Variants in HIPK2 observed in about 807,000 individuals in gnomAD.
The protein encoded by HIPK2 is homeodomain interacting protein kinase 2.
In HIPK2, 27 loss-of-function variants were observed where a neutral mutation model predicts 113.7. The ratio of observed to expected loss-of-function variants is 0.24; its 90% confidence interval spans 0.17 to 0.33. The LOEUF (loss-of-function observed/expected upper bound fraction) is 0.33, where lower values mean the gene tolerates loss of function less well. Ranked by LOEUF, HIPK2 falls within the 10% of genes least tolerant of loss-of-function variation. HIPK2 has a pLI of 1.00. For missense variants in HIPK2, 1,257 were observed against 1,588.0 expected (o/e 0.79, Z 3.54); for synonymous variants, 631 against 642.2 (o/e 0.98, Z 0.26).
At chr7:139,715,699 G>A (rs1223088023) in intron 2 of HIPK2, among the ~76,000 whole-genome samples, 1 of 152,222 alleles carries the variant, frequency 6.6e-6, no homozygotes, top group African/African-American at 2.4e-5. Flanking sequence ...GTCCCAGGGA[G>A]CCCTTCCAAC....
At chr7:139,620,751 C>T (rs1800207177) in intron 6 of HIPK2, 188 bp from the exon 7 acceptor site, 1 of 257,150 alleles carries the variant, frequency 3.9e-6, no homozygotes, top group Non-Finnish European at 6.1e-6. Flanking sequence ...TTGCAACAGG[C>T]ACGGTTATTC....
intron 1 of HIPK2, among the ~76,000 whole-genome samples, chr7:139,774,745 T>C (rs75966780): frequency 0.029 from 4,380 of 152,302 alleles, 191 homozygotes; most frequent in African/African-American, 0.099. Flanking sequence ...GAGACCTTGG[T>C]GGTTGGCCTT....
Position 139,626,732 on chromosome 7 carries a change from G to A in HIPK2, c.1488C>T (p.Asp496=). Residue 496 remains aspartate, a synonymous_variant, in exon 6 of 15, where the codon GAC becomes GAT. Coordinates refer to ENST00000406875, the MANE Select transcript of HIPK2 (RefSeq NM_022740.5). ...TCAACAGGTCAATGAACTCCCGCCGGTCAGCCTTTTCTACCAACATGTCGC... is the reference window on the plus strand; with the variant it reads ...TCAACAGGTCAATGAACTCCCGCCGATCAGCCTTTTCTACCAACATGTCGC... ...EGSDMLVEKA[D]RREFIDLLKK... is the part of the protein sequence containing the mutation. 6.2e-7 allele frequency: 1 copy of A among 1,613,934 alleles called. No individual in the cohort carries two copies. The highest frequency in any genetic ancestry group is 1.1e-5 in the South Asian group (1 of 91,072).
chr7:139,740,034 G>A lies in HIPK2; in HGVS notation c.20-23019C>T, dbSNP rs77497191. Reference sequence around the variant, plus strand: ...GGACACGTGTTTTTATTCCTCTCGGGTACATACCTGGGAGTGGAACTGCCA... The same window carrying A: ...GGACACGTGTTTTTATTCCTCTCGGATACATACCTGGGAGTGGAACTGCCA... On this transcript the variant is annotated intron_variant, in intron 1 of 14. Coordinates refer to ENST00000406875, the MANE Select transcript of HIPK2 (RefSeq NM_022740.5). Among the ~76,000 whole-genome samples the A allele has an allele frequency of 5.1e-3, 772 of 152,198 alleles. 13 individuals are homozygous for A. The highest frequency in any genetic ancestry group is 0.018 in the African/African-American group (736 of 41,526).
chr7:139,736,353 C>T lies in HIPK2; in HGVS notation c.20-19338G>A, dbSNP rs77771679. Among the ~76,000 whole-genome samples, 650 of 152,342 alleles carry T rather than the reference C, an allele frequency of 4.3e-3. 2 individuals carry two copies. Among genetic ancestry groups the T allele is most frequent in the Admixed American group, 9.0e-3 (138 of 15,310 alleles). On this transcript the variant is annotated intron_variant, in intron 1 of 14. Coordinates refer to ENST00000406875, the MANE Select transcript of HIPK2 (RefSeq NM_022740.5). ...GCTGACTTCAAGTGGCAGAGGAAGG[C>T]ATGACCTGGTAGACAGAGGGGCCAA...
chr7:139,688,441 GA>G (rs1794295013), intron 2 of HIPK2, among the ~76,000 whole-genome samples: 1 of 152,216 alleles, frequency 6.6e-6, no homozygotes, highest in Non-Finnish European at 1.5e-5. Context: ...GAAGACACAG[GA>G]AGGTGTGGAA....
chr7:139,751,080 CG>C (rs1373988136), intron 1 of HIPK2, among the ~76,000 whole-genome samples: 3 of 151,946 alleles, frequency 2.0e-5, no homozygotes, highest in Non-Finnish European at 2.9e-5. Flanking sequence ...TTGCAGTATA[CG>C]TATTTATACT....
intron 6 of HIPK2, among the ~76,000 whole-genome samples, chr7:139,624,869 C>T (rs1331130587): frequency 6.6e-6 from 1 of 152,212 alleles, no homozygotes; most frequent in Non-Finnish European, 1.5e-5. Context: ...AGATGAGTTA[C>T]ACTATAAACG....
chr7:139,687,324 GA>G (rs1794255434), intron 2 of HIPK2, among the ~76,000 whole-genome samples: 1 of 152,158 alleles, frequency 6.6e-6, no homozygotes. Flanking sequence ...AAGTACAAAT[GA>G]TTGCACACAA....
chr7:139,686,117 T>C (rs1794209235), intron 2 of HIPK2, among the ~76,000 whole-genome samples: 1 of 152,194 alleles, frequency 6.6e-6, no homozygotes, highest in Admixed American at 6.5e-5. Context: ...TCAACATTAA[T>C]AGGAGTTTGG....
chr7:139,632,424 A>C (rs532216652), intron 2 of HIPK2, among the ~76,000 whole-genome samples: 49 of 152,358 alleles, frequency 3.2e-4, no homozygotes, highest in African/African-American at 1.1e-3. Flanking sequence ...AAGAATTTAC[A>C]TCACACTTTC....
intron 1 of HIPK2, among the ~76,000 whole-genome samples, chr7:139,719,097 T>C (rs747959191): frequency 2.6e-5 from 4 of 152,178 alleles, no homozygotes; most frequent in Admixed American, 6.5e-5. Flanking sequence ...CCGTGTCTGA[T>C]TGCACACTGT....
chr7:139,665,540 G>A (rs530506545), intron 2 of HIPK2, among the ~76,000 whole-genome samples: 22 of 151,366 alleles, frequency 1.5e-4, no homozygotes, highest in Non-Finnish European at 3.0e-4. Flanking sequence ...ATAGAGCACT[G>A]CCTTCAGCCT....
At chr7:139,584,719 C>T (rs982823792) in intron 12 of HIPK2, among the ~76,000 whole-genome samples, 1 of 150,490 alleles carries the variant, frequency 6.6e-6, no homozygotes, top group African/African-American at 2.5e-5. Context: ...CAGGCCACTA[C>T]GACCTCTGCA....
intron 14 of HIPK2, 32 bp downstream of exon 14, chr7:139,575,096 G>A (rs780112081): frequency 1.9e-6 from 3 of 1,563,672 alleles, no homozygotes; most frequent in East Asian, 4.7e-5. Context: ...TGGGGGCCCT[G>A]CCTGGCCTGG....
chr7:139,643,025 C>A (rs1343506279), intron 2 of HIPK2, among the ~76,000 whole-genome samples: 2 of 152,172 alleles, frequency 1.3e-5, no homozygotes, highest in Non-Finnish European at 2.9e-5. Context: ...ACACGTAGAA[C>A]CACTGTTGCA....
chr7:139,716,758 T>A lies in HIPK2; in HGVS notation c.277A>T (p.Ile93Phe). ...GTGCTGCTTGCTGAGGTGACCACGA[T>A]GTGCCCGGTGCTTCCTGGGAAGACG... ...TIVFPGSTGH[I>F]VVTSASSTSV... Residue 93 changes from isoleucine (I) to phenylalanine (F), a missense_variant, in exon 2 of 15, where the codon ATC becomes TTC. Ile to Phe is a conservative substitution (Grantham distance 21). Transcript: ENST00000406875. The surrounding 1 kb of genome is among the most constrained non-coding windows in gnomAD (Gnocchi z 9.3). The A allele has an allele frequency of 1.2e-6, 2 of 1,613,976 alleles. No homozygotes were observed. Among genetic ancestry groups the A allele is most frequent in the Non-Finnish European group, 1.7e-6 (2 of 1,179,882 alleles).
intron 2 of HIPK2, among the ~76,000 whole-genome samples, chr7:139,654,432 G>A (rs1178151585): frequency 6.6e-6 from 1 of 152,152 alleles, no homozygotes; most frequent in Non-Finnish European, 1.5e-5. Context: ...AGTACTGCTT[G>A]AGTCTGAGAG....
chr7:139,592,045 A>G (rs1799044037), intron 12 of HIPK2, among the ~76,000 whole-genome samples: 1 of 152,272 alleles, frequency 6.6e-6, no homozygotes, highest in Non-Finnish European at 1.5e-5. Flanking sequence ...TTTGAGCTGC[A>G]GTTTATCAGT....
Sources: allele counts gnomAD v4.1 joint callset (sites outside exome capture counted in the v4.1 genomes callset), GRCh38; gene constraint gnomAD v4.1.1; non-coding constraint Gnocchi (gnomAD v3.1); transcripts MANE v1.5; gene names NCBI Gene and HGNC (gene_info 2026-07-23, HGNC 2026-07-21).